The following PACRG variants were observed in gnomAD, a reference collection of about 807,000 sequenced individuals.
PACRG encodes the protein parkin coregulated gene protein.
In PACRG, 29 loss-of-function variants were observed where a neutral mutation model predicts 29.7. That is an observed-to-expected ratio of 0.98 (90% CI 0.73 to 1.33). The LOEUF is 1.33. Among genes scored for constraint, PACRG ranks in the 40% most tolerant of loss-of-function variants. The probability of loss-of-function intolerance (pLI) is 0.00; values close to 1 mark genes in which losing one functional copy is unlikely to be tolerated. For synonymous variants in PACRG, 116 were observed against 118.7 expected (o/e 0.98, Z 0.15); for missense variants, 279 against 316.2 (o/e 0.88, Z 0.89).
intron 1 of PACRG, among the ~76,000 whole-genome samples, chr6:162,761,588 G>A (rs780025827): frequency 2.6e-5 from 4 of 152,052 alleles, no homozygotes; most frequent in Non-Finnish European, 5.9e-5. Flanking sequence ...TGGAGAATTT[G>A]AGTCACAAGG....
intron 2 of PACRG, among the ~76,000 whole-genome samples, chr6:162,824,441 T>C (rs1788106329): frequency 1.3e-5 from 2 of 152,212 alleles, no homozygotes; most frequent in East Asian, 3.9e-4. Context: ...TCCAATTCCA[T>C]TGATCTCATT....
At chr6:162,734,532 G>A (rs1183253384) in intron 1 of PACRG, among the ~76,000 whole-genome samples, 4 of 152,056 alleles carry the variant, frequency 2.6e-5, no homozygotes, top group African/African-American at 9.6e-5. Flanking sequence ...ATTATTTCAA[G>A]TAACTTTATT....
intron 2 of PACRG, among the ~76,000 whole-genome samples, chr6:162,935,820 A>G (rs1283138460): frequency 6.6e-6 from 1 of 152,176 alleles, no homozygotes; most frequent in Non-Finnish European, 1.5e-5. Flanking sequence ...GCAAGATAGT[A>G]TAACTTAATG....
At chr6:163,074,776 G>C (rs1051968421) in intron 3 of PACRG, among the ~76,000 whole-genome samples, 2 of 152,102 alleles carry the variant, frequency 1.3e-5, no homozygotes, top group African/African-American at 4.8e-5. Context: ...CCAAATGTTG[G>C]TTGGTTCCTT....
intron 2 of PACRG, among the ~76,000 whole-genome samples, chr6:162,934,028 C>T (rs1227610537): frequency 6.6e-6 from 1 of 152,120 alleles, no homozygotes; most frequent in African/African-American, 2.4e-5. Flanking sequence ...GTTTGGGAGG[C>T]TGAGGTGGGC....
chr6:163,049,392 A>T (rs1809747873), intron 2 of PACRG, among the ~76,000 whole-genome samples: 1 of 152,098 alleles, frequency 6.6e-6, no homozygotes, highest in African/African-American at 2.4e-5. Context: ...TAAAAGTATG[A>T]GAATAAACCA....
chr6:162,807,381 A>T (rs773510556), intron 1 of PACRG, among the ~76,000 whole-genome samples: 35 of 152,152 alleles, frequency 2.3e-4, no homozygotes, highest in Non-Finnish European at 4.6e-4. Flanking sequence ...TGCCTTCTTC[A>T]CTGAGCTTAA....
intron 4 of PACRG, among the ~76,000 whole-genome samples, chr6:163,202,661 C>G (rs998476170): frequency 8.5e-5 from 13 of 152,108 alleles, no homozygotes; most frequent in African/African-American, 3.1e-4. Flanking sequence ...GCTAAGCTAA[C>G]CTAGAGAGGA....
At chr6:163,049,667 A>G (rs1475431843) in intron 2 of PACRG, among the ~76,000 whole-genome samples, 1 of 152,126 alleles carries the variant, frequency 6.6e-6, no homozygotes, top group Non-Finnish European at 1.5e-5. Flanking sequence ...AAAAGGATAT[A>G]CAAATGACCT....
At chr6:162,952,851 C>T (rs1799752223) in intron 2 of PACRG, among the ~76,000 whole-genome samples, 1 of 152,138 alleles carries the variant, frequency 6.6e-6, no homozygotes, top group Non-Finnish European at 1.5e-5. Flanking sequence ...ATTTTCTTCT[C>T]TTGGGCTACC....
At chr6:163,068,890 T>C (rs1811792765) in intron 3 of PACRG, among the ~76,000 whole-genome samples, 1 of 151,136 alleles carries the variant, frequency 6.6e-6, no homozygotes, top group African/African-American at 2.4e-5. Flanking sequence ...GGGTGGGGGG[T>C]ATTTAGCAGT....
At chr6:163,150,077 G>T (rs1323379998) in intron 4 of PACRG, among the ~76,000 whole-genome samples, 1 of 152,116 alleles carries the variant, frequency 6.6e-6, no homozygotes, top group Non-Finnish European at 1.5e-5. Context: ...CCTCTCCCTG[G>T]CCCTCAACCC....
intron 4 of PACRG, chr6:163,312,853 A>C (rs924636515): frequency 7.8e-5 from 32 of 410,006 alleles, no homozygotes; most frequent in Non-Finnish European, 1.4e-4. Context: ...CCTGGGCTCA[A>C]GTGATCCTCC....
intron 4 of PACRG, among the ~76,000 whole-genome samples, chr6:163,212,292 G>A (rs972277224): frequency 2.0e-5 from 3 of 152,160 alleles, no homozygotes. Context: ...ATGTGTATGT[G>A]TGTATAGCTA....
At chr6:162,827,547 C>T (rs996676844) in intron 2 of PACRG, among the ~76,000 whole-genome samples, 1 of 152,288 alleles carries the variant, frequency 6.6e-6, no homozygotes, top group Non-Finnish European at 1.5e-5. Context: ...GAATAATCCT[C>T]TATGGAATAT....
intron 2 of PACRG, among the ~76,000 whole-genome samples, chr6:162,974,512 C>G (rs1434896714): frequency 6.6e-6 from 1 of 152,144 alleles, no homozygotes; most frequent in Non-Finnish European, 1.5e-5. Flanking sequence ...ATGACTCATC[C>G]TGTAACCAGT....
At chr6:162,742,102 T>C (rs1409215418) in intron 1 of PACRG, among the ~76,000 whole-genome samples, 1 of 152,184 alleles carries the variant, frequency 6.6e-6, no homozygotes, top group East Asian at 1.9e-4. Context: ...TACTCTTTGC[T>C]TCTGTGAGTC....
chr6:163,187,177 C>CCTCA (rs1779980172), intron 4 of PACRG, among the ~76,000 whole-genome samples: 2 of 152,246 alleles, frequency 1.3e-5, no homozygotes, highest in Admixed American at 1.3e-4. Context: ...AACACCTGAA[C>CCTCA]CTCAGGATGG....
At chr6:162,940,940 C>G (rs552389173) in intron 2 of PACRG, among the ~76,000 whole-genome samples, 1 of 152,058 alleles carries the variant, frequency 6.6e-6, no homozygotes, top group African/African-American at 2.4e-5. Flanking sequence ...AATGAAATTA[C>G]GTGGAAAAAT....
Sources: allele counts gnomAD v4.1 joint callset (sites outside exome capture counted in the v4.1 genomes callset), GRCh38; gene constraint gnomAD v4.1.1; transcripts MANE v1.5; gene names NCBI Gene and HGNC (gene_info 2026-07-23, HGNC 2026-07-21).